The following ROBO2 variants were observed in gnomAD, a reference collection of about 807,000 sequenced individuals.
The protein encoded by ROBO2 is roundabout homolog 2.
A neutral mutation model predicts 160.8 loss-of-function variants in ROBO2; 53 were observed. The observed-to-expected ratio is 0.33, with a 90% CI of 0.26 to 0.41. The LOEUF (loss-of-function observed/expected upper bound fraction) is 0.41. Among genes scored for constraint, ROBO2 ranks in the 10% least tolerant of loss-of-function variants. The pLI, the probability that ROBO2 is intolerant of heterozygous loss-of-function variation, is 1.00. For missense variants in ROBO2, 1,577 were observed against 1,722.4 expected (o/e 0.92, Z 1.49); for synonymous variants, 664 against 611.7 (o/e 1.09, Z -1.26).
At chr3:76,515,224 A>G (rs539072877) in intron 2 of ROBO2, among the ~76,000 whole-genome samples, 4 of 152,264 alleles carry the variant, frequency 2.6e-5, no homozygotes, top group African/African-American at 9.6e-5. Context: ...GAGTTTCTTT[A>G]TATACCTTCT....
chr3:76,845,688 T>C (rs1340127700), intron 2 of ROBO2, among the ~76,000 whole-genome samples: 1 of 152,072 alleles, frequency 6.6e-6, no homozygotes, highest in Non-Finnish European at 1.5e-5. Flanking sequence ...TGCTTTATAC[T>C]TTCTTCAATC....
chr3:76,399,781 A>G (rs888471071), intron 2 of ROBO2, among the ~76,000 whole-genome samples: 2 of 151,716 alleles, frequency 1.3e-5, no homozygotes, highest in African/African-American at 4.8e-5. Context: ...TTATTCATGA[A>G]TGTTTTCTTG....
rs9883018 is a variant in ROBO2, at chr3:76,518,340, T to C, written c.110-579674T>C. ...AATTATTGTGGGTACATAGTAGGTATGATGTTTTGGGGGTACCTGAGATGT... is the reference window on the plus strand; with the variant it reads ...AATTATTGTGGGTACATAGTAGGTACGATGTTTTGGGGGTACCTGAGATGT... On this transcript the variant is annotated intron_variant, in intron 2 of 26. Coordinates refer to the ROBO2 transcript ENST00000487694. Among the ~76,000 whole-genome samples the C allele has an allele frequency of 8.6e-3, 1,316 of 152,206 alleles. 17 individuals are homozygous for C. Among genetic ancestry groups the C allele is most frequent in the African/African-American group, 0.028 (1,156 of 41,514 alleles).
chr3:76,904,369 A>T (rs2075445765), intron 2 of ROBO2, among the ~76,000 whole-genome samples: 1 of 152,184 alleles, frequency 6.6e-6, no homozygotes, highest in African/African-American at 2.4e-5. Flanking sequence ...ACATTTTCTG[A>T]TGGTAATGTT....
chr3:76,751,367 C>T (rs2060633480), intron 2 of ROBO2, among the ~76,000 whole-genome samples: 1 of 152,058 alleles, frequency 6.6e-6, no homozygotes, highest in Non-Finnish European at 1.5e-5. Context: ...AAAACCTAGG[C>T]AATACCATTC....
chr3:76,565,377 A>G (rs946085874), intron 2 of ROBO2, among the ~76,000 whole-genome samples: 3 of 152,240 alleles, frequency 2.0e-5, no homozygotes, highest in Non-Finnish European at 2.9e-5. Context: ...AGTCACTGAC[A>G]TACGATAGCC....
chr3:75,912,003 A>G (rs957734690), intron 1 of ROBO2, among the ~76,000 whole-genome samples: 8 of 152,156 alleles, frequency 5.3e-5, no homozygotes, highest in African/African-American at 1.7e-4. Flanking sequence ...CCTCCCATAT[A>G]TTACTATGGA....
chr3:76,626,891 C>T (rs1432338716), intron 2 of ROBO2, among the ~76,000 whole-genome samples: 1 of 152,034 alleles, frequency 6.6e-6, no homozygotes, highest in African/African-American at 2.4e-5. Context: ...GAAGTTTCAC[C>T]ATTTTCGCCA....
intron 1 of ROBO2, among the ~76,000 whole-genome samples, chr3:77,079,084 T>G (rs2068338027): frequency 6.6e-6 from 1 of 151,980 alleles, no homozygotes; most frequent in Non-Finnish European, 1.5e-5. Flanking sequence ...GTAGCTGGGA[T>G]TACAGGTGCA....
At chr3:76,015,117 A>G (rs889546070) in intron 2 of ROBO2, among the ~76,000 whole-genome samples, 3 of 152,154 alleles carry the variant, frequency 2.0e-5, no homozygotes, top group African/African-American at 4.8e-5. Context: ...TTTATATTAG[A>G]TAAGTATAAG....
At chr3:76,924,153 A>T (rs141196894) in intron 2 of ROBO2, among the ~76,000 whole-genome samples, 5 of 152,284 alleles carry the variant, frequency 3.3e-5, no homozygotes, top group African/African-American at 1.2e-4. Flanking sequence ...ACCTATATCT[A>T]TTCTTGTCCC....
chr3:77,126,660 G>C (rs184349767), intron 2 of ROBO2, among the ~76,000 whole-genome samples: 277 of 150,658 alleles, frequency 1.8e-3, no homozygotes, highest in Non-Finnish European at 3.0e-3. Flanking sequence ...TCAACATTCT[G>C]AAGTTATGTA....
At chr3:76,694,438 A>G (rs2092883924) in intron 2 of ROBO2, among the ~76,000 whole-genome samples, 1 of 152,292 alleles carries the variant, frequency 6.6e-6, no homozygotes, top group Non-Finnish European at 1.5e-5. Context: ...CAAATAAGCC[A>G]AAAGAGGTCA....
intron 2 of ROBO2, among the ~76,000 whole-genome samples, chr3:77,293,798 A>G (rs1427304119): frequency 5.7e-5 from 8 of 139,566 alleles, no homozygotes; most frequent in Non-Finnish European, 1.2e-4. Flanking sequence ...CGGGAAGTTG[A>G]GGCTAGAACA....
intron 2 of ROBO2, among the ~76,000 whole-genome samples, chr3:76,699,097 AT>A (rs1329493883): frequency 6.6e-6 from 1 of 152,148 alleles, no homozygotes; most frequent in Non-Finnish European, 1.5e-5. Flanking sequence ...CTAGGCATTT[AT>A]TTTCTAGTCT....
At chr3:77,428,165 T>C (rs1223544429) in intron 2 of ROBO2, among the ~76,000 whole-genome samples, 1 of 152,116 alleles carries the variant, frequency 6.6e-6, no homozygotes, top group East Asian at 1.9e-4. Context: ...GTATACATCC[T>C]CCTTATTCCT....
At chr3:76,570,157 A>AGT (rs2084870528) in intron 2 of ROBO2, among the ~76,000 whole-genome samples, 1 of 152,068 alleles carries the variant, frequency 6.6e-6, no homozygotes, top group East Asian at 1.9e-4. Flanking sequence ...TAAAGATTCT[A>AGT]ATAAGCACTC....
chr3:76,483,371 C>A (rs1226177731), intron 2 of ROBO2, among the ~76,000 whole-genome samples: 2 of 150,660 alleles, frequency 1.3e-5, no homozygotes, highest in Non-Finnish European at 2.9e-5. Flanking sequence ...GGTTTGTTAC[C>A]TTGGTATATT....
At chr3:76,423,359 A>C (rs1425724468) in intron 2 of ROBO2, among the ~76,000 whole-genome samples, 1 of 152,156 alleles carries the variant, frequency 6.6e-6, no homozygotes, top group Non-Finnish European at 1.5e-5. Context: ...CTCCAGGGGC[A>C]CTCAGGAGCC....
Sources: allele counts gnomAD v4.1 joint callset (sites outside exome capture counted in the v4.1 genomes callset), GRCh38; gene constraint gnomAD v4.1.1; transcripts MANE v1.5; gene names NCBI Gene and HGNC (gene_info 2026-07-23, HGNC 2026-07-21).